Variants in CELF2 observed in about 807,000 individuals in gnomAD.
CELF2 encodes the protein CUG triplet repeat RNA-binding protein 2.
Under a neutral mutation model 62.6 loss-of-function variants are expected in CELF2, and 8 were observed. The observed-to-expected ratio is 0.13, with a 90% CI of 0.07 to 0.23. CELF2 has a LOEUF of 0.23. CELF2 is among the 10% of genes least tolerant of loss of function. CELF2 has a pLI of 1.00. For missense variants in CELF2, 333 were observed against 671.0 expected (o/e 0.50, Z 5.56); for synonymous variants, 258 against 250.0 (o/e 1.03, Z -0.30).
chr10:11,132,409 G>T (rs535202247), intron 1 of CELF2, among the ~76,000 whole-genome samples: 1 of 152,138 alleles, frequency 6.6e-6, no homozygotes, highest in African/African-American at 2.4e-5. Context: ...AAGGAAATAC[G>T]GACATATTTT....
intron 1 of CELF2, among the ~76,000 whole-genome samples, chr10:10,842,842 C>A (rs1330874067): frequency 1.3e-5 from 2 of 151,966 alleles, no homozygotes; most frequent in Non-Finnish European, 2.9e-5. Context: ...CTTCTATTTT[C>A]TGGAAGAAAA....
chr10:11,078,954 T>G (rs1174473690), intron 1 of CELF2, among the ~76,000 whole-genome samples: 1 of 152,210 alleles, frequency 6.6e-6, no homozygotes, highest in Non-Finnish European at 1.5e-5. Context: ...GAGATTTGTT[T>G]TACAATTGAT....
the CELF2 span, among the ~76,000 whole-genome samples, chr10:10,488,557 A>C: frequency 6.6e-6 from 1 of 152,150 alleles, no homozygotes; most frequent in Non-Finnish European, 1.5e-5. Flanking sequence ...TCACTTAATC[A>C]TGTATTTTAC....
At chr10:10,731,000 A>G in the CELF2 span, among the ~76,000 whole-genome samples, 2 of 152,222 alleles carry the variant, frequency 1.3e-5, no homozygotes, top group Non-Finnish European at 2.9e-5. Context: ...AGGAGAAGAT[A>G]GAGTGGCTAC....
At chr10:10,517,045 A>G in the CELF2 span, among the ~76,000 whole-genome samples, 1 of 152,222 alleles carries the variant, frequency 6.6e-6, no homozygotes, top group African/African-American at 2.4e-5. Context: ...AGCTGTGTGG[A>G]AACAGCAGTG....
At chr10:10,648,357 A>G in the CELF2 span, among the ~76,000 whole-genome samples, 9 of 152,206 alleles carry the variant, frequency 5.9e-5, no homozygotes, top group Admixed American at 5.2e-4. Context: ...TTACTAGGCT[A>G]TAAAGTCCTT....
chr10:11,018,121 C>A lies in CELF2; in HGVS notation c.32C>A (p.Pro11Gln), dbSNP rs775513168. Residue 11 changes from proline to glutamine, a missense_variant, in exon 1 of 13, where the codon CCG becomes CAG. By Grantham distance (76) the Pro-to-Gln change is moderately conservative. Coordinates refer to ENST00000633077, the MANE Select transcript of CELF2 (RefSeq NM_001326342.2). MTSAFKLDFL[P>Q]DMMVEGRLLV... Reference sequence around the variant, plus strand: ...TCTGCCTTCAAGCTGGATTTCCTCCCGGACATGATGGTCGAGGGCCGCCTG... The same window carrying A: ...TCTGCCTTCAAGCTGGATTTCCTCCAGGACATGATGGTCGAGGGCCGCCTG... 2.0e-6 allele frequency: 3 copies of A among 1,517,306 alleles called. No homozygotes were observed. Among genetic ancestry groups the A allele is most frequent in the East Asian group, 2.9e-5 (1 of 34,532 alleles). The allele number at this position is 1,517,306 out of a possible 1,614,324, so 94.0% of individuals were successfully genotyped here.
At chr10:10,552,399 G>C in the CELF2 span, among the ~76,000 whole-genome samples, 3 of 152,212 alleles carry the variant, frequency 2.0e-5, no homozygotes, top group Admixed American at 6.5e-5. Flanking sequence ...TCCTAATGGA[G>C]ACTAGCAGAA....
chr10:11,234,820 A>T (rs934857014), intron 3 of CELF2, among the ~76,000 whole-genome samples: 5 of 152,154 alleles, frequency 3.3e-5, no homozygotes, highest in African/African-American at 1.2e-4. Context: ...CAACAAACGC[A>T]GTAGAGACAG....
chr10:10,767,889 G>A, the CELF2 span, among the ~76,000 whole-genome samples: 7,745 of 106,816 alleles, frequency 0.073, 223 homozygotes, highest in East Asian at 0.17. Context: ...CCAGCTACTC[G>A]GGAGGCTGAG....
chr10:11,123,670 T>G (rs1179500889), intron 1 of CELF2, among the ~76,000 whole-genome samples: 1 of 152,206 alleles, frequency 6.6e-6, no homozygotes, highest in Non-Finnish European at 1.5e-5. Flanking sequence ...ACATTTGCTC[T>G]TTGCAGAAAA....
At chr10:10,616,103 A>ATGTAT in the CELF2 span, among the ~76,000 whole-genome samples, 5 of 152,210 alleles carry the variant, frequency 3.3e-5, no homozygotes, top group South Asian at 8.3e-4. Flanking sequence ...AAGGTGACTG[A>ATGTAT]TGTATTGGCT....
At chr10:10,875,375 C>T (rs1052243729) in intron 1 of CELF2, among the ~76,000 whole-genome samples, 5 of 152,182 alleles carry the variant, frequency 3.3e-5, no homozygotes, top group South Asian at 2.1e-4. Flanking sequence ...TGGATTTTTA[C>T]GTGTAATCAC....
chr10:10,554,526 T>G, the CELF2 span, among the ~76,000 whole-genome samples: 2 of 152,154 alleles, frequency 1.3e-5, no homozygotes, highest in Non-Finnish European at 2.9e-5. Context: ...CATCTCTTTC[T>G]TTTTGTATCA....
chr10:11,319,744 G>T lies in CELF2; in HGVS notation c.1097-1445G>T, dbSNP rs2095318930. The stretch of plus-strand genomic sequence containing the variant: ...GAAGCACAGGAATACCCGAGGTGAG[G>T]CACAATGACAGTCCTCCACTGTTAA... On this transcript the variant is annotated intron_variant, in intron 10 of 12. Transcript: ENST00000633077. The surrounding 1 kb of genome is among the most constrained non-coding windows in gnomAD (Gnocchi z 4.4). 1 of 470,502 alleles carries T rather than the reference G, an allele frequency of 2.1e-6. No individual in the cohort carries two copies. The highest frequency in any genetic ancestry group is 2.0e-5 in the African/African-American group (1 of 49,948). The allele number at this position is 470,502 out of a possible 1,614,324, so 29.1% of individuals were successfully genotyped here.
At chr10:11,239,095 C>T (rs2136784089) in intron 3 of CELF2, among the ~76,000 whole-genome samples, 1 of 152,168 alleles carries the variant, frequency 6.6e-6, no homozygotes, top group East Asian at 1.9e-4. Context: ...AGTAATCTGT[C>T]AGAAATGATG....
rs2061486116 is a variant in CELF2 at position 11,039,582 on chromosome 10, T to C, written c.74+21419T>C. ...CGTACACATCTTATTTTGTAAGCTT[T>C]ACACGCTTCTAATGCATGTTACTGA... On this transcript the variant is annotated intron_variant, in intron 1 of 12. Transcript: ENST00000633077. This position sits in a 1 kb window ranked among gnomAD's most constrained non-coding sequence, Gnocchi z 4.1. 6.6e-6 allele frequency among the ~76,000 whole-genome samples: 1 copy of C among 152,232 alleles called. No individual in the cohort carries two copies. Among genetic ancestry groups the C allele is most frequent in the Non-Finnish European group, 1.5e-5 (1 of 68,040 alleles).
chr10:10,604,538 C>T, the CELF2 span, among the ~76,000 whole-genome samples: 1 of 152,126 alleles, frequency 6.6e-6, no homozygotes, highest in African/African-American at 2.4e-5. Flanking sequence ...TTGAAATAAA[C>T]ATGTTGCTCA....
At chr10:11,215,380 C>T (rs2063059784) in intron 2 of CELF2, among the ~76,000 whole-genome samples, 1 of 152,156 alleles carries the variant, frequency 6.6e-6, no homozygotes, top group Non-Finnish European at 1.5e-5. Flanking sequence ...TCTCTATTTT[C>T]ATTTTCCCTG....
Sources: gnomAD v4.1 joint callset for allele counts (sites outside exome capture counted in the v4.1 genomes callset) on GRCh38, gnomAD v4.1.1 for gene constraint, Gnocchi (gnomAD v3.1) non-coding constraint, MANE v1.5 for transcripts, NCBI Gene and HGNC (gene_info 2026-07-23, HGNC 2026-07-21) for gene names.